Variants in EXOC6 observed in about 807,000 individuals in gnomAD.
The protein encoded by EXOC6 is exocyst complex component 6.
A neutral mutation model predicts 112.5 loss-of-function variants in EXOC6; 60 were observed. The observed-to-expected ratio is 0.53, with a 90% CI of 0.43 to 0.66. The LOEUF is 0.66. Among genes scored for constraint, EXOC6 ranks in the 30% least tolerant of loss-of-function variants. EXOC6 has a pLI of 0.00. For missense variants in EXOC6, 855 were observed against 957.1 expected, an observed-to-expected ratio of 0.89 and a Z score of 1.41; for synonymous variants, 295 against 308.0, an observed-to-expected ratio of 0.96 and a Z score of 0.44.
intron 13 of EXOC6, 41 bp downstream of exon 13, chr10:92,940,865 T>C (rs1390030418): frequency 1.6e-6 from 2 of 1,273,282 alleles, no homozygotes; most frequent in Non-Finnish European, 2.3e-6. Flanking sequence ...TGAATATGTT[T>C]GTCAAATGCT....
At chr10:93,006,130 C>T (rs949152696) in intron 19 of EXOC6, among the ~76,000 whole-genome samples, 5 of 151,872 alleles carry the variant, frequency 3.3e-5, no homozygotes, top group South Asian at 2.1e-4. Flanking sequence ...ACTGTACTCC[C>T]GCCTGGGTGA....
At chr10:92,958,275 A>G (rs1287681998) in intron 17 of EXOC6, among the ~76,000 whole-genome samples, 2 of 152,160 alleles carry the variant, frequency 1.3e-5, no homozygotes, top group African/African-American at 4.8e-5. Flanking sequence ...ATCAGTATAG[A>G]AGAAAAAAAA....
chr10:93,006,071 A>C (rs2134207193), intron 19 of EXOC6, among the ~76,000 whole-genome samples: 1 of 152,124 alleles, frequency 6.6e-6, no homozygotes, highest in South Asian at 2.1e-4. Flanking sequence ...GAGGTGGGAG[A>C]ATTGCTTGAG....
chr10:92,920,422 C>T (rs1276255862), intron 8 of EXOC6, among the ~76,000 whole-genome samples: 5 of 152,076 alleles, frequency 3.3e-5, no homozygotes, highest in African/African-American at 4.8e-5. Context: ...AGTTCACATA[C>T]GAAAAAACTT....
At chr10:92,983,116 C>T (rs10882136) in intron 18 of EXOC6, among the ~76,000 whole-genome samples, 46,910 of 152,060 alleles carry the variant, frequency 0.31, 7,991 homozygotes, top group East Asian at 0.73. Flanking sequence ...TCCAATTAAC[C>T]GCTATTGTGA....
chr10:92,947,527 A>G (rs1248833845), intron 13 of EXOC6, among the ~76,000 whole-genome samples: 3 of 152,346 alleles, frequency 2.0e-5, no homozygotes, highest in Admixed American at 6.5e-5. Flanking sequence ...AGCAAATGTA[A>G]CACATTGTTT....
chr10:92,990,155 A>G (rs1843170226), intron 18 of EXOC6, among the ~76,000 whole-genome samples: 1 of 152,180 alleles, frequency 6.6e-6, no homozygotes, highest in African/African-American at 2.4e-5. Context: ...TCTTAATGTT[A>G]TAAAACAGTT....
intron 1 of EXOC6, among the ~76,000 whole-genome samples, chr10:92,839,022 G>A (rs910048495): frequency 2.6e-5 from 4 of 151,874 alleles, no homozygotes; most frequent in Non-Finnish European, 5.9e-5. Context: ...GCTGTAAGCC[G>A]AGATCGGGCC....
rs753765204 is a variant in EXOC6 at position 92,928,432 on chromosome 10, C to T, written c.972+10C>T. On this transcript the variant is annotated intron_variant, in intron 9 of 21. Coordinates refer to ENST00000260762, the MANE Select transcript of EXOC6 (RefSeq NM_019053.6). ...ACCCCAGTCGAATATGGTAAGTATGCGATATTTTGAATTGGTTATGTTGTC... is the reference window on the plus strand; with the variant it reads ...ACCCCAGTCGAATATGGTAAGTATGTGATATTTTGAATTGGTTATGTTGTC... 3.5e-5 allele frequency: 55 copies of T among 1,563,020 alleles called. No homozygotes were observed. The East Asian group carries it at 9.3e-4, about 26-fold the overall frequency.
At chr10:92,955,454 A>G (rs1229274008) in intron 16 of EXOC6, 126 bp from the exon 17 acceptor site, 2 of 714,980 alleles carry the variant, frequency 2.8e-6, no homozygotes, top group Non-Finnish European at 4.8e-6. Context: ...AGATAGTTGT[A>G]TCCTATAATG....
At chr10:93,051,743 A>T (rs1179998981) in intron 20 of EXOC6, among the ~76,000 whole-genome samples, 1 of 152,194 alleles carries the variant, frequency 6.6e-6, no homozygotes, top group Non-Finnish European at 1.5e-5. Flanking sequence ...CCCAGTGGCA[A>T]ATTACTCAGG....
chr10:93,039,813 T>C (rs1488941726), intron 20 of EXOC6, among the ~76,000 whole-genome samples: 3 of 152,212 alleles, frequency 2.0e-5, no homozygotes, highest in Non-Finnish European at 2.9e-5. Context: ...AAAACCCTCA[T>C]TGCAATGTAA....
intron 18 of EXOC6, among the ~76,000 whole-genome samples, chr10:92,975,920 G>A (rs1589956176): frequency 7.3e-5 from 10 of 137,546 alleles, no homozygotes; most frequent in Non-Finnish European, 9.6e-5. Context: ...GAGGGAGGTG[G>A]GGGGGTCAGC....
intron 4 of EXOC6, among the ~76,000 whole-genome samples, chr10:92,896,017 A>ATATG (rs1197455447): frequency 5.6e-5 from 8 of 142,640 alleles, no homozygotes; most frequent in East Asian, 2.0e-4. Flanking sequence ...ATGTGTATAT[A>ATATG]TGTGTATATA....
chr10:92,915,884 C>G lies in EXOC6; in HGVS notation c.790C>G (p.Leu264Val). ...ERNETVLKHS[L>V]EEEDENEEEI... is the part of the protein sequence containing the mutation. ...GAATGAAACTGTATTGAAACATTCA[C>G]TTGAAGAAGAGGATGAGAATGAAGA... Residue 264 changes from leucine (L) to valine (V), a missense_variant, in exon 7 of 22, where the codon CTT becomes GTT. By Grantham distance (32) the Leu-to-Val change is conservative. Transcript: ENST00000260762. 5 of 1,544,084 alleles carry G rather than the reference C, an allele frequency of 3.2e-6. No homozygotes were observed. Among genetic ancestry groups the G allele is most frequent in the Admixed American group, 2.3e-5 (1 of 42,760 alleles).
chr10:92,827,059 T>C (rs961076714), intron 1 of EXOC6, among the ~76,000 whole-genome samples: 1 of 152,220 alleles, frequency 6.6e-6, no homozygotes, highest in African/African-American at 2.4e-5. Flanking sequence ...ACGATATTAT[T>C]TGAAAGAATA....
At chr10:92,986,100 A>G (rs948557330) in intron 18 of EXOC6, among the ~76,000 whole-genome samples, 1 of 152,158 alleles carries the variant, frequency 6.6e-6, no homozygotes, top group African/African-American at 2.4e-5. Context: ...AAAATGATAT[A>G]TTGTGAACTG....
intron 7 of EXOC6, among the ~76,000 whole-genome samples, chr10:92,918,528 C>A (rs1215775821): frequency 1.3e-5 from 2 of 151,988 alleles, no homozygotes; most frequent in African/African-American, 2.4e-5. Context: ...GCTCCTCCTG[C>A]TTCAGCCTCC....
chr10:93,029,131 A>G (rs1429393669), intron 20 of EXOC6, among the ~76,000 whole-genome samples: 1 of 152,184 alleles, frequency 6.6e-6, no homozygotes, highest in East Asian at 1.9e-4. Context: ...ACCAGCAAAA[A>G]CATTGCTACT....
Sources: gnomAD v4.1 joint callset for allele counts (sites outside exome capture counted in the v4.1 genomes callset) on GRCh38, gnomAD v4.1.1 for gene constraint, MANE v1.5 for transcripts, NCBI Gene and HGNC (gene_info 2026-07-23, HGNC 2026-07-21) for gene names.